The following CBFA2T2 variants were observed in gnomAD, a reference collection of about 807,000 sequenced individuals.
CBFA2T2 encodes the protein CBFA2/RUNX1 partner transcriptional co-repressor 2.
Under a neutral mutation model 62.2 loss-of-function variants are expected in CBFA2T2, and 11 were observed. The observed-to-expected ratio is 0.18, with a 90% CI of 0.11 to 0.29. The LOEUF is 0.29. Among genes scored for constraint, CBFA2T2 ranks in the 10% least tolerant of loss-of-function variants. CBFA2T2 has a pLI of 1.00. For missense variants in CBFA2T2, 592 were observed against 774.1 expected (o/e 0.76, Z 2.79); for synonymous variants, 295 against 287.5 (o/e 1.03, Z -0.27).
chr20:33,619,696 G>T, intron 4 of CBFA2T2, 90 bp downstream of exon 4: 1 of 910,004 alleles, frequency 1.1e-6, no homozygotes, highest in South Asian at 1.7e-5. Flanking sequence ...AGAGCCGCTT[G>T]CCACGTTTTT....
chr20:33,573,781 T>TATG (rs887597221), intron 1 of CBFA2T2, among the ~76,000 whole-genome samples: 7 of 151,516 alleles, frequency 4.6e-5, no homozygotes, highest in African/African-American at 9.7e-5. Context: ...CACCCGGCCC[T>TATG]ATTATTATTA....
rs1411698158 is a variant in CBFA2T2 at position 33,599,264 on chromosome 20, G to GA, written c.35-7682dup. On this transcript the variant is annotated intron_variant, in intron 1 of 10. Transcript: ENST00000342704. ...GCGACAGTGAGACTCTGTCTCAAGA[G>GA]AAAAAAAAAACCTGTGGCCCACTGT... is the stretch of plus-strand genomic sequence containing the variant. 4.9e-3 allele frequency among the ~76,000 whole-genome samples: 718 copies of GA among 147,852 alleles called. 7 individuals are homozygous for GA. The highest frequency in any genetic ancestry group is 0.039 in the South Asian group (185 of 4,692).
At chr20:33,617,649 T>C (rs1021759412) in intron 3 of CBFA2T2, among the ~76,000 whole-genome samples, 2 of 152,318 alleles carry the variant, frequency 1.3e-5, no homozygotes, top group African/African-American at 2.4e-5. Flanking sequence ...GCAGTAGATA[T>C]AAAAGAGTGT....
At chr20:33,533,424 C>T (rs939335223) in intron 1 of CBFA2T2, among the ~76,000 whole-genome samples, 3 of 152,172 alleles carry the variant, frequency 2.0e-5, no homozygotes, top group Non-Finnish European at 4.4e-5. Flanking sequence ...TTCCTTCCAT[C>T]CTTTCTTCCT....
Position 33,606,445 on chromosome 20 carries a change from A to T in CBFA2T2, c.35-511A>T, listed in dbSNP as rs143954456. Reference sequence around the variant, plus strand: ...AAATTCATTCTCTCACAGTTCAGAAAGCCAGAGGCCCAAAATTGAGGTATC... The same window carrying T: ...AAATTCATTCTCTCACAGTTCAGAATGCCAGAGGCCCAAAATTGAGGTATC... On this transcript the variant is annotated intron_variant, in intron 1 of 10. Coordinates refer to ENST00000342704, the MANE Select transcript of CBFA2T2 (RefSeq NM_001032999.3). Among the ~76,000 whole-genome samples, 728 of 152,322 alleles carry T rather than the reference A, an allele frequency of 4.8e-3. 8 individuals carry two copies. Among genetic ancestry groups the T allele is most frequent in the African/African-American group, 0.016 (671 of 41,566 alleles).
At chr20:33,550,796 A>AT (rs2012720146) in intron 1 of CBFA2T2, among the ~76,000 whole-genome samples, 2 of 151,810 alleles carry the variant, frequency 1.3e-5, no homozygotes, top group South Asian at 4.2e-4. Flanking sequence ...TAATTTTTGT[A>AT]TTTTTATTAG....
At chr20:33,496,579 G>T (rs1436221061) in intron 1 of CBFA2T2, among the ~76,000 whole-genome samples, 2 of 152,194 alleles carry the variant, frequency 1.3e-5, no homozygotes, top group Non-Finnish European at 2.9e-5. Flanking sequence ...ACAGTTAAAA[G>T]TGGAATGGTA....
chr20:33,564,653 A>T (rs1418633699), intron 1 of CBFA2T2, among the ~76,000 whole-genome samples: 1 of 151,802 alleles, frequency 6.6e-6, no homozygotes, highest in Non-Finnish European at 1.5e-5. Context: ...ATCATGGCTC[A>T]CTACAGCCTT....
chr20:33,591,179 C>CAAAA lies in CBFA2T2; in HGVS notation c.35-15770_35-15767dup, dbSNP rs80021195. Among the ~76,000 whole-genome samples the CAAAA allele has an allele frequency of 2.0e-3, 163 of 82,040 alleles. 15 individuals carry two copies. Among genetic ancestry groups the CAAAA allele is most frequent in the African/African-American group, 0.011 (152 of 14,106 alleles). 53.8% of individuals were successfully genotyped at this position (82,040 alleles called of 152,430 possible). On this transcript the variant is annotated intron_variant, in intron 1 of 10. Coordinates refer to ENST00000342704, the MANE Select transcript of CBFA2T2 (RefSeq NM_001032999.3). ...GGGCAACAAGAGTGAAACTCCCTCT[C>CAAAA]AAAAAAAAAAGTACTGATGAATAGC...
intron 1 of CBFA2T2, among the ~76,000 whole-genome samples, chr20:33,569,996 C>A (rs746657064): frequency 6.6e-6 from 1 of 152,122 alleles, no homozygotes; most frequent in Non-Finnish European, 1.5e-5. Context: ...TCATTCAAGA[C>A]AAGCCTGGGC....
chr20:33,564,545 G>A (rs1227669277), intron 1 of CBFA2T2, among the ~76,000 whole-genome samples: 4 of 151,930 alleles, frequency 2.6e-5, no homozygotes, highest in South Asian at 2.1e-4. Context: ...GTGAGCCACC[G>A]CGCCTGGCCC....
intron 1 of CBFA2T2, among the ~76,000 whole-genome samples, chr20:33,497,195 C>G (rs2011208695): frequency 6.6e-6 from 1 of 150,384 alleles, no homozygotes; most frequent in Non-Finnish European, 1.5e-5. Flanking sequence ...ATTGCTTGAA[C>G]CCGGGAGGCG....
Position 33,490,266 on chromosome 20 carries a change from C to T in CBFA2T2, c.-2C>T. On this transcript the variant is annotated 5_prime_UTR_variant, in exon 1 of 11. Coordinates refer to ENST00000342704, the MANE Select transcript of CBFA2T2 (RefSeq NM_001032999.3). Reference sequence around the variant, plus strand: ...GGCGGCGCGCGGCGGCGGCGCTCGGCGATGGTAGGCGTCCCTGGAGCGGCC... The same window carrying T: ...GGCGGCGCGCGGCGGCGGCGCTCGGTGATGGTAGGCGTCCCTGGAGCGGCC... 1 of 1,248,014 alleles carries T rather than the reference C, an allele frequency of 8.0e-7. No homozygotes were observed. Among genetic ancestry groups the T allele is most frequent in the Non-Finnish European group, 1.0e-6 (1 of 997,212 alleles). The allele number at this position is 1,248,014 out of a possible 1,614,324, so 77.3% of individuals were successfully genotyped here. A position where few individuals can be genotyped will look rare whatever the true frequency, so the allele number is the denominator to read the frequency against.
intron 3 of CBFA2T2, among the ~76,000 whole-genome samples, chr20:33,616,994 C>T (rs1336998270): frequency 1.3e-5 from 2 of 152,100 alleles, no homozygotes; most frequent in East Asian, 3.9e-4. Context: ...TTTGGAAGGC[C>T]CAGGCCGACT....
At chr20:33,524,655 C>G (rs976604802) in intron 1 of CBFA2T2, among the ~76,000 whole-genome samples, 13 of 152,002 alleles carry the variant, frequency 8.6e-5, no homozygotes, top group South Asian at 2.1e-4. Context: ...AAACCAGGAT[C>G]AATCTTAATA....
intron 1 of CBFA2T2, among the ~76,000 whole-genome samples, chr20:33,534,210 T>C (rs2146871952): frequency 6.6e-6 from 1 of 152,346 alleles, no homozygotes; most frequent in East Asian, 1.9e-4. Flanking sequence ...TGCCAAACTT[T>C]TTCTAAAATA....
intron 1 of CBFA2T2, among the ~76,000 whole-genome samples, chr20:33,551,986 TG>T (rs1366356932): frequency 2.0e-5 from 3 of 152,174 alleles, no homozygotes; most frequent in Admixed American, 6.6e-5. Context: ...TAGTCTGACT[TG>T]TGTCCCATAA....
intron 1 of CBFA2T2, among the ~76,000 whole-genome samples, chr20:33,588,824 G>A (rs1340156457): frequency 6.6e-6 from 1 of 152,166 alleles, no homozygotes; most frequent in African/African-American, 2.4e-5. Flanking sequence ...GCAAGTGCCT[G>A]TAATGCCAGT....
intron 1 of CBFA2T2, among the ~76,000 whole-genome samples, chr20:33,548,239 ATTTTTATTT>A (rs1568813129): frequency 6.6e-6 from 1 of 150,898 alleles, no homozygotes; most frequent in African/African-American, 2.4e-5. Context: ...GGGAGTTTTT[ATTTTTATTT>A]TTTTTATTTT....
Sources: gnomAD v4.1 joint callset for allele counts (sites outside exome capture counted in the v4.1 genomes callset) on GRCh38, gnomAD v4.1.1 for gene constraint, MANE v1.5 for transcripts, NCBI Gene and HGNC (gene_info 2026-07-23, HGNC 2026-07-21) for gene names.